The following SPMIP1 variants were observed in gnomAD, a reference collection of about 807,000 sequenced individuals.
The protein encoded by SPMIP1 is sperm microtubule inner protein 1.
the SPMIP1 span, chr7:128,870,499 C>G: frequency 4.7e-5 from 7 of 148,894 alleles, no homozygotes; most frequent in African/African-American, 1.8e-4. Flanking sequence ...TGAGGGGTCT[C>G]CGCTTTCTGA....
the SPMIP1 span, chr7:128,868,952 C>A: frequency 3.2e-5 from 18 of 560,174 alleles, no homozygotes; most frequent in Non-Finnish European, 5.8e-5. Flanking sequence ...TAACCCTCAT[C>A]ACTTTAATCA....
the SPMIP1 span, among the ~76,000 whole-genome samples, chr7:128,867,993 C>T: frequency 3.3e-5 from 5 of 152,176 alleles, no homozygotes; most frequent in Non-Finnish European, 7.3e-5. Context: ...GCCTGTCCAT[C>T]TCGGCTGAGT....
the SPMIP1 span, among the ~76,000 whole-genome samples, chr7:128,867,520 G>A: frequency 7.2e-5 from 11 of 152,106 alleles, no homozygotes; most frequent in African/African-American, 2.7e-4. Context: ...AGTCTGGATT[G>A]AAGTCAGAGC....
chr7:128,870,239 T>G, the SPMIP1 span: 1 of 152,560 alleles, frequency 6.6e-6, no homozygotes, highest in Non-Finnish European at 1.5e-5. Context: ...GTCGCCTTCC[T>G]CTGGGGGCTG....
At chr7:128,866,659 T>G in the SPMIP1 span, 1 of 1,533,368 alleles carries the variant, frequency 6.5e-7, no homozygotes, top group South Asian at 1.2e-5. Context: ...AGAGGCGCCT[T>G]TTCAGTCGGA....
chr7:128,866,840 A>T, the SPMIP1 span: 1 of 1,525,710 alleles, frequency 6.6e-7, no homozygotes. Context: ...GGTGAGCCCA[A>T]CCTCTTGGAA....
At chr7:128,868,120 C>T in the SPMIP1 span, among the ~76,000 whole-genome samples, 1 of 152,232 alleles carries the variant, frequency 6.6e-6, no homozygotes. Context: ...GGCAGGGCTG[C>T]TGGGCGATGT....
chr7:128,868,603 C>A, the SPMIP1 span: 2 of 1,037,394 alleles, frequency 1.9e-6, no homozygotes, highest in Non-Finnish European at 2.8e-6. Context: ...ACAGACAGGG[C>A]TCCCATGCTC....
the SPMIP1 span, chr7:128,866,368 C>A: frequency 6.8e-7 from 1 of 1,473,910 alleles, no homozygotes. Flanking sequence ...GTGCTCACCC[C>A]TCAGCTGTGG....
chr7:128,866,855 C>A, the SPMIP1 span: 1 of 1,516,614 alleles, frequency 6.6e-7, no homozygotes, highest in African/African-American at 1.4e-5. Flanking sequence ...TTGGAAATCA[C>A]CTCAAAAACA....
the SPMIP1 span, chr7:128,868,758 CG>C: frequency 6.5e-7 from 1 of 1,534,920 alleles, no homozygotes; most frequent in Non-Finnish European, 8.7e-7. Context: ...GCTTGATCCC[CG>C]AGACCTGGCC....
the SPMIP1 span, among the ~76,000 whole-genome samples, chr7:128,868,251 T>C: frequency 6.6e-6 from 1 of 152,274 alleles, no homozygotes; most frequent in East Asian, 1.9e-4. Context: ...ATTGACTCAG[T>C]TGAGATTTTG....
At chr7:128,871,142 G>A in the SPMIP1 span, 20 of 152,334 alleles carry the variant, frequency 1.3e-4, no homozygotes, top group African/African-American at 4.8e-4. Flanking sequence ...TGAACCTCAG[G>A]CTGTCACAGT....
At chr7:128,866,942 G>GAAGT in the SPMIP1 span, 5 of 1,085,376 alleles carry the variant, frequency 4.6e-6, no homozygotes, top group Non-Finnish European at 6.4e-6. Context: ...AGATGGCCAA[G>GAAGT]AAGTGTCGAC....
At chr7:128,866,870 A>G in the SPMIP1 span, 1 of 1,502,810 alleles carries the variant, frequency 6.7e-7, no homozygotes, top group Non-Finnish European at 8.9e-7. Flanking sequence ...AAAACAGAGC[A>G]CTAGCCATGT....
the SPMIP1 span, chr7:128,866,607 C>T: frequency 8.3e-4 from 1,266 of 1,533,320 alleles, 3 homozygotes; most frequent in Non-Finnish European, 1.1e-3. Flanking sequence ...CACCCCCACC[C>T]GCCCCCAAGT....
the SPMIP1 span, chr7:128,868,845 G>A: frequency 4.4e-5 from 44 of 999,356 alleles, no homozygotes; most frequent in Non-Finnish European, 5.6e-5. Flanking sequence ...CAAAGCTGCT[G>A]TGTGTGTCTG....
At chr7:128,868,891 C>A in the SPMIP1 span, 1 of 657,286 alleles carries the variant, frequency 1.5e-6, no homozygotes, top group Non-Finnish European at 2.6e-6. Flanking sequence ...AGGTTGCATT[C>A]AGGCCTTTCT....
chr7:128,866,766 G>A, the SPMIP1 span: 18 of 1,536,058 alleles, frequency 1.2e-5, no homozygotes, highest in Admixed American at 2.0e-5. Flanking sequence ...CTCGAAAACT[G>A]GACATGCCAG....
Sources: gnomAD v4.1 joint callset for allele counts (sites outside exome capture counted in the v4.1 genomes callset) on GRCh38, gnomAD v4.1.1 for gene constraint, MANE v1.5 for transcripts, NCBI Gene and HGNC (gene_info 2026-07-23, HGNC 2026-07-21) for gene names.